The following DENND11 variants were observed in gnomAD, a reference collection of about 807,000 sequenced individuals.
DENND11 encodes the protein DENN domain-containing protein 11.
A neutral mutation model predicts 49.2 loss-of-function variants in DENND11; 34 were observed. The observed-to-expected ratio is 0.69, with a 90% confidence interval of 0.53 to 0.92. The LOEUF (loss-of-function observed/expected upper bound fraction) is 0.92, where lower values mean the gene tolerates loss of function less well. Among genes scored for constraint, DENND11 ranks in the 40% least tolerant of loss-of-function variants. The probability of loss-of-function intolerance (pLI) is 0.00; values close to 1 mark genes in which losing one functional copy is unlikely to be tolerated. For synonymous variants in DENND11, 238 were observed against 230.3 expected, an observed-to-expected ratio of 1.03 and a Z score of -0.30; for missense variants, 475 against 581.6, an observed-to-expected ratio of 0.82 and a Z score of 1.88.
rs1235635254 is a variant in DENND11, at chr7:141,674,139, G to A, written c.609C>T (p.Pro203=). Residue 203 remains proline (P), a synonymous_variant, in exon 4 of 9, where the codon CCC becomes CCT. Transcript: ENST00000536163. ...EDKKGVLHAG[P]GRGSSLPPVY... ...CAGGGGGCAGGCTGCTGCCTCTGCC[G>A]GGACCAGCATGGAGCACCCCCTTTT... 15 of 1,588,164 alleles carry A rather than the reference G, an allele frequency of 9.4e-6. No individual in the cohort carries two copies. Among genetic ancestry groups the A allele is most frequent in the East Asian group, 4.6e-5 (2 of 43,788 alleles).
chr7:141,695,126 T>G (rs1563005789), intron 1 of DENND11, among the ~76,000 whole-genome samples: 1 of 152,224 alleles, frequency 6.6e-6, no homozygotes, highest in Non-Finnish European at 1.5e-5. Context: ...AAAGTTTTTC[T>G]CATAAGCCCT....
intron 1 of DENND11, among the ~76,000 whole-genome samples, chr7:141,691,376 C>T (rs1798324978): frequency 6.6e-6 from 1 of 152,222 alleles, no homozygotes; most frequent in Non-Finnish European, 1.5e-5. Context: ...AAGAAATAGA[C>T]TCCTATCTTG....
At chr7:141,671,123 T>A (rs1168133739) in intron 4 of DENND11, among the ~76,000 whole-genome samples, 1 of 152,214 alleles carries the variant, frequency 6.6e-6, no homozygotes, top group Non-Finnish European at 1.5e-5. Flanking sequence ...TACACATACG[T>A]CATTCTGATG....
At chr7:141,668,996 T>C (rs1331727041) in intron 4 of DENND11, among the ~76,000 whole-genome samples, 2 of 152,214 alleles carry the variant, frequency 1.3e-5, no homozygotes, top group African/African-American at 4.8e-5. Flanking sequence ...CCACTGTCAG[T>C]TCAGTGTCCA....
rs57034632 is a variant in DENND11 at position 141,677,390 on chromosome 7, C to CA, written c.528-3171dup. On this transcript the variant is annotated intron_variant, in intron 3 of 8. Coordinates refer to ENST00000536163, the MANE Select transcript of DENND11 (RefSeq NM_001080392.2). ...GGGTGACAGAGCGAGACTCTTGTCT[C>CA]AAAAAAAAAAAAATATATATATATA... Among the ~76,000 whole-genome samples the CA allele has an allele frequency of 4.4e-3, 535 of 121,706 alleles. 1 individual carries two copies. Among genetic ancestry groups the CA allele is most frequent in the Middle Eastern group, 8.1e-3 (2 of 248 alleles). 79.8% of individuals were successfully genotyped at this position (121,706 alleles called of 152,430 possible). A position where few individuals can be genotyped will look rare whatever the true frequency, so the allele number is the denominator to read the frequency against.
At chr7:141,672,287 C>T (rs1216472711) in intron 4 of DENND11, among the ~76,000 whole-genome samples, 1 of 152,218 alleles carries the variant, frequency 6.6e-6, no homozygotes, top group Non-Finnish European at 1.5e-5. Context: ...TATTTACAGC[C>T]TTATGCAATC....
intron 4 of DENND11, 29 bp downstream of exon 4, chr7:141,674,038 T>C (rs555024418): frequency 6.3e-7 from 1 of 1,596,258 alleles, no homozygotes. Context: ...AGATCCAGTA[T>C]AGTGTAAGAA....
At chr7:141,683,634 C>T (rs903324743) in intron 3 of DENND11, among the ~76,000 whole-genome samples, 1 of 152,132 alleles carries the variant, frequency 6.6e-6, no homozygotes, top group Non-Finnish European at 1.5e-5. Context: ...CAGAGTGAGA[C>T]TCCATCTCAA....
rs1224588850 is a variant in DENND11, at chr7:141,657,666, T to G, written c.*4990A>C. On this transcript the variant is annotated 3_prime_UTR_variant, in exon 9 of 9. Coordinates refer to ENST00000536163, the MANE Select transcript of DENND11 (RefSeq NM_001080392.2). The stretch of plus-strand genomic sequence containing the variant: ...ACCTGGCCTACTATGAAAATTAAAT[T>G]TTCTGAATTTAGATCATATTAGCTC... The G allele has an allele frequency of 6.6e-6, 1 of 152,280 alleles. No individual in the cohort carries two copies. Among genetic ancestry groups the G allele is most frequent in the East Asian group, 1.9e-4 (1 of 5,196 alleles). The allele number at this position is 152,280 out of a possible 1,614,324, so 9.4% of individuals were successfully genotyped here.
Position 141,660,627 on chromosome 7 carries a change from GGTC to G in DENND11, c.*2026_*2028del, listed in dbSNP as rs1797774565. 1 of 152,220 alleles carries G rather than the reference GGTC, an allele frequency of 6.6e-6. No individual in the cohort carries two copies. Among genetic ancestry groups the G allele is most frequent in the African/African-American group, 2.4e-5 (1 of 41,440 alleles). 9.4% of individuals were successfully genotyped at this position (152,220 alleles called of 1,614,324 possible). On this transcript the variant is annotated 3_prime_UTR_variant, in exon 9 of 9. Transcript: ENST00000536163. ...AGATTCCCTAATTCCAGAAAAAGGAGGTCTTCTTGTGTCCTCTAGGAGAATCAG... is the reference window on the plus strand; with the variant it reads ...AGATTCCCTAATTCCAGAAAAAGGAGTTCTTGTGTCCTCTAGGAGAATCAG...
At chr7:141,668,457 G>A (rs1350570909) in intron 4 of DENND11, among the ~76,000 whole-genome samples, 9 of 152,238 alleles carry the variant, frequency 5.9e-5, no homozygotes, top group South Asian at 2.1e-4. Flanking sequence ...GTGGTGTCGC[G>A]TGCCTGTAAT....
intron 1 of DENND11, among the ~76,000 whole-genome samples, chr7:141,690,600 CA>C (rs1198865453): frequency 6.6e-6 from 1 of 152,192 alleles, no homozygotes; most frequent in Non-Finnish European, 1.5e-5. Context: ...TTGACCAACA[CA>C]ATATGCACAT....
chr7:141,699,564 A>C (rs183961833), intron 1 of DENND11, among the ~76,000 whole-genome samples: 2 of 152,152 alleles, frequency 1.3e-5, no homozygotes, highest in Non-Finnish European at 1.5e-5. Context: ...CACAAAAAAA[A>C]CACAAGTTAC....
chr7:141,688,582 G>C (rs1312709119), intron 1 of DENND11, among the ~76,000 whole-genome samples: 1 of 152,200 alleles, frequency 6.6e-6, no homozygotes, highest in Non-Finnish European at 1.5e-5. Context: ...TCAAAGATAA[G>C]AAAAAGCACT....
At position 141,674,140 on chromosome 7, in the gene DENND11, G is replaced by C; in HGVS notation, c.608C>G (p.Pro203Arg). ...AGGGGGCAGGCTGCTGCCTCTGCCG[G>C]GACCAGCATGGAGCACCCCCTTTTT... ...EDKKGVLHAGPGRGSSLPPVY... is the reference protein window; with the variant it reads ...EDKKGVLHAGRGRGSSLPPVY... The change falls in exon 4 of 9, where the codon CCC (proline) becomes CGC (arginine). Residue 203 changes from proline (P) to arginine (R), a missense_variant. Pro to Arg is a moderately radical substitution (Grantham distance 103). Coordinates refer to ENST00000536163, the MANE Select transcript of DENND11 (RefSeq NM_001080392.2). 11 of 1,583,036 alleles carry C rather than the reference G, an allele frequency of 6.9e-6. No homozygotes were observed. Among genetic ancestry groups the C allele is most frequent in the Non-Finnish European group, 9.4e-6 (11 of 1,164,438 alleles).
intron 4 of DENND11, among the ~76,000 whole-genome samples, chr7:141,673,131 G>T (rs911889534): frequency 1.3e-5 from 2 of 152,144 alleles, no homozygotes; most frequent in Admixed American, 6.5e-5. Flanking sequence ...TGCACTGGCT[G>T]TGGCACTAGA....
intron 3 of DENND11, among the ~76,000 whole-genome samples, chr7:141,676,563 A>G (rs531705140): frequency 6.6e-6 from 1 of 152,342 alleles, no homozygotes; most frequent in South Asian, 2.1e-4. Context: ...ACAAGGCAAT[A>G]ATATGGAATC....
chr7:141,674,032 C>T, intron 4 of DENND11, 35 bp downstream of exon 4: 1 of 1,590,972 alleles, frequency 6.3e-7, no homozygotes. Flanking sequence ...AGATACAGAT[C>T]CAGTATAGTG....
chr7:141,700,864 C>T (rs1798499654), intron 1 of DENND11, among the ~76,000 whole-genome samples: 1 of 152,148 alleles, frequency 6.6e-6, no homozygotes, highest in African/African-American at 2.4e-5. Flanking sequence ...CTCCATCCCA[C>T]CTCATCCCAG....
Sources: gnomAD v4.1 joint callset for allele counts (sites outside exome capture counted in the v4.1 genomes callset) on GRCh38, gnomAD v4.1.1 for gene constraint, MANE v1.5 for transcripts, NCBI Gene and HGNC (gene_info 2026-07-23, HGNC 2026-07-21) for gene names.